Variants in WDPCP observed in about 807,000 individuals in gnomAD.
WDPCP encodes WD repeat-containing and planar cell polarity effector protein fritz homolog.
In WDPCP, 71 loss-of-function variants were observed where a neutral mutation model predicts 93.1. The observed-to-expected ratio is 0.76, with a 90% confidence interval of 0.63 to 0.93. The LOEUF is 0.93. Among genes scored for constraint, WDPCP ranks in the 40% least tolerant of loss-of-function variants. WDPCP has a pLI of 0.00. For synonymous variants in WDPCP, 315 were observed against 315.0 expected, an observed-to-expected ratio of 1.00 and a Z score of 0.00; for missense variants, 844 against 887.4, an observed-to-expected ratio of 0.95 and a Z score of 0.62.
chr2:63,753,429 G>T (rs570769963), intron 2 of WDPCP, among the ~76,000 whole-genome samples: 3 of 151,938 alleles, frequency 2.0e-5, no homozygotes, highest in African/African-American at 7.3e-5. Context: ...ACTCCGTCTC[G>T]AACAACAGCA....
intron 9 of WDPCP, among the ~76,000 whole-genome samples, chr2:63,419,923 T>G (rs1266314687): frequency 6.6e-6 from 1 of 152,216 alleles, no homozygotes; most frequent in Non-Finnish European, 1.5e-5. Flanking sequence ...TGCTATTACA[T>G]ATTTTTTGCT....
chr2:63,531,863 T>C (rs577399024), intron 1 of WDPCP, among the ~76,000 whole-genome samples: 2 of 152,238 alleles, frequency 1.3e-5, no homozygotes, highest in African/African-American at 4.8e-5. Flanking sequence ...AGAATGACTT[T>C]GATGAATTAA....
chr2:63,538,659 G>C (rs1704489927), intron 1 of WDPCP, among the ~76,000 whole-genome samples: 1 of 151,960 alleles, frequency 6.6e-6, no homozygotes, highest in Admixed American at 6.6e-5. Flanking sequence ...AAAATCACTA[G>C]TGTCAACACC....
intron 13 of WDPCP, among the ~76,000 whole-genome samples, chr2:63,302,448 TG>T (rs917248752): frequency 1.1e-4 from 17 of 152,312 alleles, no homozygotes; most frequent in African/African-American, 3.6e-4. Context: ...CCTTCTTTCA[TG>T]GTTTAAAATG....
chr2:63,199,152 C>A (rs1675690023), intron 14 of WDPCP, among the ~76,000 whole-genome samples: 1 of 152,086 alleles, frequency 6.6e-6, no homozygotes, highest in Non-Finnish European at 1.5e-5. Flanking sequence ...AATGTGCGGT[C>A]ATATGAGTGA....
chr2:63,340,591 T>C (rs1371506738), intron 12 of WDPCP, among the ~76,000 whole-genome samples: 2 of 152,216 alleles, frequency 1.3e-5, no homozygotes, highest in Non-Finnish European at 2.9e-5. Flanking sequence ...AATCTTACTT[T>C]TTCCAGTATA....
chr2:63,572,726 A>AAAAAAAAAAAAAAAAAAAAAAAT (rs56275317), intron 1 of WDPCP, among the ~76,000 whole-genome samples: 1 of 144,764 alleles, frequency 6.9e-6, no homozygotes, highest in Non-Finnish European at 1.5e-5. Flanking sequence ...AAAAAAAAAA[A>AAAAAAAAAAAAAAAAAAAAAAAT]GTTGGACAGC....
intron 1 of WDPCP, among the ~76,000 whole-genome samples, chr2:63,820,526 T>C (rs1671002169): frequency 6.6e-6 from 1 of 152,152 alleles, no homozygotes. Flanking sequence ...GTGATGTACT[T>C]TGGCAGACAG....
chr2:63,473,659 A>T (rs558630226), intron 6 of WDPCP, among the ~76,000 whole-genome samples: 2 of 152,160 alleles, frequency 1.3e-5, no homozygotes, highest in African/African-American at 4.8e-5. Context: ...CCAAAAACCG[A>T]TATCTCCTAT....
intron 14 of WDPCP, among the ~76,000 whole-genome samples, chr2:63,195,550 C>T (rs912387006): frequency 1.3e-5 from 2 of 152,016 alleles, no homozygotes; most frequent in Non-Finnish European, 2.9e-5. Context: ...CCTCAAACTC[C>T]TGGGCTTAAG....
chr2:63,787,014 A>C (rs910516291), intron 2 of WDPCP, among the ~76,000 whole-genome samples: 2 of 152,214 alleles, frequency 1.3e-5, no homozygotes, highest in African/African-American at 4.8e-5. Context: ...TATTTCTAGA[A>C]GGTTCTTACA....
chr2:63,805,224 T>C (rs1670747846), intron 2 of WDPCP, among the ~76,000 whole-genome samples: 1 of 152,216 alleles, frequency 6.6e-6, no homozygotes, highest in Non-Finnish European at 1.5e-5. Context: ...TGCTTTCTAC[T>C]GGGTTTTGAA....
upstream of WDPCP, chr2:63,588,633 G>A (rs1046397794): frequency 2.0e-6 from 1 of 489,846 alleles, no homozygotes; most frequent in Non-Finnish European, 3.7e-6. Flanking sequence ...TGTCGCTAAG[G>A]GGTGATTCTC....
intron 2 of WDPCP, among the ~76,000 whole-genome samples, chr2:63,702,422 A>T (rs926918323): frequency 1.3e-5 from 2 of 152,252 alleles, no homozygotes; most frequent in Non-Finnish European, 2.9e-5. Flanking sequence ...AGTATATATC[A>T]ATAAAAAGTA....
At chr2:63,786,434 C>A (rs371561674) in intron 2 of WDPCP, among the ~76,000 whole-genome samples, 11 of 152,254 alleles carry the variant, frequency 7.2e-5, no homozygotes, top group African/African-American at 2.2e-4. Context: ...AAGAGAGCAT[C>A]TAAGTAACCA....
At position 63,121,974 on chromosome 2, in the gene WDPCP, T is replaced by C. The variant is rs1669570839; in HGVS notation, c.*32A>G. ...TATCAGGCCATGAAAAGTTTAGATA[T>C]GAAGAAGGCAGTTTTCTTTTTTTCT... On this transcript the variant is annotated 3_prime_UTR_variant, in exon 18 of 18. Transcript: ENST00000272321. The C allele has an allele frequency of 6.2e-7, 1 of 1,612,796 alleles. No homozygotes were observed. Among genetic ancestry groups the C allele is most frequent in the African/African-American group, 1.3e-5 (1 of 75,004 alleles).
At chr2:63,463,097 G>T (rs970278059) in intron 6 of WDPCP, among the ~76,000 whole-genome samples, 1 of 151,652 alleles carries the variant, frequency 6.6e-6, no homozygotes, top group Non-Finnish European at 1.5e-5. Context: ...ATTCAAAGAC[G>T]GGGGAAAGGA....
In WDPCP at chr2:63,271,620, G is replaced by T. The variant is rs149736405; in HGVS notation, c.1813-12211C>A. Reference sequence around the variant, plus strand: ...GGGGAGGGGGCTTGAAAACAGGCCTGCCCTGCCCACTGCCAGTGACTGCAT... The same window carrying T: ...GGGGAGGGGGCTTGAAAACAGGCCTTCCCTGCCCACTGCCAGTGACTGCAT... On this transcript the variant is annotated intron_variant, in intron 13 of 17. Transcript: ENST00000272321. Among the ~76,000 whole-genome samples, 115 of 152,250 alleles carry T rather than the reference G, an allele frequency of 7.6e-4. 1 individual carries two copies. In the East Asian group the frequency reaches 0.017, roughly 23 times the overall value.
intron 6 of WDPCP, among the ~76,000 whole-genome samples, chr2:63,445,192 A>G (rs1259340338): frequency 1.3e-5 from 2 of 152,294 alleles, no homozygotes; most frequent in South Asian, 4.1e-4. Flanking sequence ...TCAGGAAACA[A>G]AAGTAAATAT....
Sources: gnomAD v4.1 joint callset for allele counts (sites outside exome capture counted in the v4.1 genomes callset) on GRCh38, gnomAD v4.1.1 for gene constraint, MANE v1.5 for transcripts, NCBI Gene and HGNC (gene_info 2026-07-23, HGNC 2026-07-21) for gene names.